Variants in DNAH14 observed in about 807,000 individuals in gnomAD.
DNAH14 encodes axonemal beta dynein heavy chain 14.
Under a neutral mutation model 520.9 loss-of-function variants are expected in DNAH14, and 478 were observed. The observed-to-expected ratio is 0.92, with a 90% CI of 0.85 to 0.99. DNAH14 has a LOEUF of 0.99. DNAH14 is among the 50% of genes least tolerant of loss of function. The pLI, the probability that DNAH14 is intolerant of heterozygous loss-of-function variation, is 0.00. For synonymous variants in DNAH14, 1,581 were observed against 1,757.2 expected, an observed-to-expected ratio of 0.90 and a Z score of 2.51; for missense variants, 4,831 against 5,234.5, an observed-to-expected ratio of 0.92 and a Z score of 2.38.
rs150618371 is a variant in DNAH14 at position 225,119,280 on chromosome 1, C to T, written c.4152C>T (p.Phe1384=). ...TGGTAAATGTAGAAAAAAGCATGTT[C>T]GATGTGCTAAAAAAGTAAGTACAAT... The part of the protein sequence containing the change: ...QWLVNVEKSM[F]DVLKKFLSQG... Residue 1384 remains phenylalanine (F), a synonymous_variant, in exon 26 of 86, where the codon TTC becomes TTT. Transcript: ENST00000682510. 5.7e-3 allele frequency: 8,668 copies of T among 1,519,402 alleles called. 44 individuals are homozygous for T. Among genetic ancestry groups the T allele is most frequent in the Non-Finnish European group, 6.3e-3 (7,153 of 1,131,362 alleles). 94.1% of individuals were successfully genotyped at this position (1,519,402 alleles called of 1,614,324 possible).
intron 17 of DNAH14, among the ~76,000 whole-genome samples, chr1:225,071,046 C>T (rs3105549): frequency 6.6e-6 from 1 of 152,110 alleles, no homozygotes; most frequent in African/African-American, 2.4e-5. Context: ...ATTTTCTTTC[C>T]TCCTTTTATT....
chr1:225,165,889 A>AT, intron 35 of DNAH14, among the ~76,000 whole-genome samples: 1 of 151,800 alleles, frequency 6.6e-6, no homozygotes, highest in East Asian at 1.9e-4. Context: ...ATGGCCTCAT[A>AT]TTTTTTTATT....
At chr1:225,184,956 A>T (rs147718748) in intron 36 of DNAH14, among the ~76,000 whole-genome samples, 11 of 152,210 alleles carry the variant, frequency 7.2e-5, no homozygotes, top group African/African-American at 2.4e-4. Context: ...TCCAAATAGG[A>T]AAAGAGGAAG....
Position 225,270,311 on chromosome 1 carries a change from G to A in DNAH14, c.7540-424G>A, listed in dbSNP as rs181124081. ...CACAGAATGGGGAACCTCACACACC[G>A]GGGCCTGTTGTGGGGTGGGGGGAGG... is the stretch of plus-strand genomic sequence containing the variant. On this transcript the variant is annotated intron_variant, in intron 49 of 85. Transcript: ENST00000682510. Among the ~76,000 whole-genome samples, 497 of 139,740 alleles carry A rather than the reference G, an allele frequency of 3.6e-3. 4 individuals carry two copies. Among genetic ancestry groups the A allele is most frequent in the African/African-American group, 0.012 (440 of 37,822 alleles). The allele number at this position is 139,740 out of a possible 152,430, so 91.7% of individuals were successfully genotyped here.
intron 7 of DNAH14, among the ~76,000 whole-genome samples, chr1:224,970,554 C>A (rs2061445648): frequency 6.6e-6 from 1 of 152,088 alleles, no homozygotes; most frequent in African/African-American, 2.4e-5. Flanking sequence ...CATGATGGAA[C>A]CTGCCGACAT....
At chr1:225,281,716 AGAG>A (rs1209222046) in intron 54 of DNAH14, among the ~76,000 whole-genome samples, 2 of 152,204 alleles carry the variant, frequency 1.3e-5, no homozygotes, top group East Asian at 1.9e-4. Flanking sequence ...ATAGCACAAA[AGAG>A]GAGGGAGGAA....
chr1:225,004,883 G>A (rs1225633217), intron 9 of DNAH14, among the ~76,000 whole-genome samples: 2 of 152,154 alleles, frequency 1.3e-5, no homozygotes, highest in African/African-American at 4.8e-5. Flanking sequence ...AGTTAATGCC[G>A]TTAATGGTGG....
At chr1:224,955,172 A>T in intron 3 of DNAH14, 74 bp downstream of exon 3, 1 of 1,470,548 alleles carries the variant, frequency 6.8e-7, no homozygotes, top group Non-Finnish European at 9.3e-7. Flanking sequence ...AATTTTTCAT[A>T]GCATTAAATT....
intron 17 of DNAH14, among the ~76,000 whole-genome samples, chr1:225,056,979 T>C (rs1363653764): frequency 1.3e-5 from 2 of 152,194 alleles, no homozygotes; most frequent in Non-Finnish European, 2.9e-5. Flanking sequence ...TGTCCAGCTT[T>C]GTTCTTTTGA....
intron 23 of DNAH14, among the ~76,000 whole-genome samples, chr1:225,111,730 CTTTTTAGTAA>C: frequency 1.3e-5 from 2 of 151,836 alleles, no homozygotes; most frequent in East Asian, 3.9e-4. Flanking sequence ...CTCCTGTCTT[CTTTTTAGTAA>C]AGGTGATTTT....
At chr1:225,130,337 A>G (rs185827453) in intron 27 of DNAH14, among the ~76,000 whole-genome samples, 375 of 152,262 alleles carry the variant, frequency 2.5e-3, no homozygotes, top group Admixed American at 4.9e-3. Flanking sequence ...CCAAAGGACT[A>G]TAAATCATGC....
intron 73 of DNAH14, among the ~76,000 whole-genome samples, chr1:225,355,470 T>C (rs1239660693): frequency 4.6e-5 from 7 of 151,976 alleles, no homozygotes; most frequent in Non-Finnish European, 8.8e-5. Context: ...TCCTCAAGAC[T>C]TCTTTATAAG....
intron 10 of DNAH14, among the ~76,000 whole-genome samples, chr1:225,019,560 A>G (rs2065489360): frequency 6.6e-6 from 1 of 152,186 alleles, no homozygotes; most frequent in South Asian, 2.1e-4. Context: ...TTGATACTTG[A>G]CCAGTTGGAT....
In DNAH14 at chr1:225,300,875, T is replaced by C; in HGVS notation, c.8476T>C (p.Phe2826Leu). 1 of 1,550,884 alleles carries C rather than the reference T, an allele frequency of 6.4e-7. No individual in the cohort carries two copies. Among genetic ancestry groups the C allele is most frequent in the Non-Finnish European group, 8.7e-7 (1 of 1,146,750 alleles). ...VPNLNIEQDS[F>L]LEDLNYIISS... is the part of the protein sequence containing the mutation. ...AATATGTGTTTTGCCTAAGGACTCATTTTTAGAAGATTTGAACTACATCAT... is the reference window on the plus strand; with the variant it reads ...AATATGTGTTTTGCCTAAGGACTCACTTTTAGAAGATTTGAACTACATCAT... The change falls in exon 56 of 86, where the codon TTT (phenylalanine) becomes CTT (leucine). Residue 2826 changes from phenylalanine to leucine, a missense_variant. By Grantham distance (22) the Phe-to-Leu change is conservative (BLOSUM62 0). Coordinates refer to ENST00000682510, the MANE Select transcript of DNAH14 (RefSeq NM_001367479.1).
Position 225,085,601 on chromosome 1 carries a change from G to T in DNAH14, c.3385G>T (p.Ala1129Ser), listed in dbSNP as rs1274452673. The T allele has an allele frequency of 1.2e-5, 18 of 1,550,618 alleles. No individual in the cohort carries two copies. The highest frequency in any genetic ancestry group is 9.8e-5 in the Admixed American group (5 of 50,956). Residue 1129 changes from alanine to serine, a missense_variant, in exon 21 of 86, where the codon GCT (alanine) becomes TCT (serine). Coordinates refer to ENST00000682510, the MANE Select transcript of DNAH14 (RefSeq NM_001367479.1). ...GTCAACCTCAGCAACTAATGAAGCT[G>T]CTCTTGAAAAAATGCTATTTAAGAT... ...DMSTSATNEA[A>S]LEKMLFKIID...
At chr1:225,365,271 T>C (rs143188798) in intron 76 of DNAH14, among the ~76,000 whole-genome samples, 169 of 152,354 alleles carry the variant, frequency 1.1e-3, no homozygotes, top group African/African-American at 3.9e-3. Flanking sequence ...AGGCTAAAAC[T>C]GTTTACTAAA....
At chr1:225,223,489 A>T (rs2090247526) in intron 41 of DNAH14, among the ~76,000 whole-genome samples, 1 of 152,188 alleles carries the variant, frequency 6.6e-6, no homozygotes, top group South Asian at 2.1e-4. Context: ...AGTCGGCCAT[A>T]TAGAACCATC....
intron 37 of DNAH14, among the ~76,000 whole-genome samples, chr1:225,186,572 A>G (rs918212777): frequency 6.6e-6 from 1 of 151,898 alleles, no homozygotes; most frequent in Non-Finnish European, 1.5e-5. Context: ...TGAAGAAATA[A>G]TAATCACCTA....
chr1:225,341,669 A>G (rs567393784), intron 69 of DNAH14, among the ~76,000 whole-genome samples: 12 of 152,344 alleles, frequency 7.9e-5, no homozygotes, highest in African/African-American at 2.6e-4. Context: ...TCCTTCAAAC[A>G]AACAAACAAA....
Sources: allele counts gnomAD v4.1 joint callset (sites outside exome capture counted in the v4.1 genomes callset), GRCh38; gene constraint gnomAD v4.1.1; transcripts MANE v1.5; gene names NCBI Gene and HGNC (gene_info 2026-07-23, HGNC 2026-07-21).